The following CCDC3 variants were observed in gnomAD, a reference collection of about 807,000 sequenced individuals.
CCDC3 encodes coiled-coil domain containing 3.
CCDC3 carries 24 observed loss-of-function variants against 21.4 expected under a neutral mutation model. The observed-to-expected ratio is 1.12, with a 90% CI of 0.81 to 1.58. The LOEUF is 1.58. Ranked by LOEUF, CCDC3 falls within the 40% of genes most tolerant of loss-of-function variation. CCDC3 has a pLI of 0.00. For synonymous variants in CCDC3, 186 were observed against 166.0 expected, an observed-to-expected ratio of 1.12 and a Z score of -0.93; for missense variants, 425 against 360.9, an observed-to-expected ratio of 1.18 and a Z score of -1.44.
At chr10:13,077,639 C>T (rs144599314) in intron 3 of CCDC3, among the ~76,000 whole-genome samples, 123 of 10,798 alleles carry the variant, frequency 0.011, no homozygotes, top group Middle Eastern at 0.12. Context: ...CAAAACAGCA[C>T]AGTACTGGTA....
intron 2 of CCDC3, among the ~76,000 whole-genome samples, chr10:12,964,673 G>T (rs1835233518): frequency 6.6e-6 from 1 of 152,122 alleles, no homozygotes; most frequent in African/African-American, 2.4e-5. Context: ...GAAATTCATT[G>T]AGTCCAGTTT....
intron 2 of CCDC3, among the ~76,000 whole-genome samples, chr10:12,931,208 CAAAAAAAA>C (rs67541166): frequency 0.078 from 5,827 of 75,098 alleles, 268 homozygotes; most frequent in African/African-American, 0.18. Context: ...AAGACTCTGT[CAAAAAAAA>C]AAAAAAAAAA....
intron 5 of CCDC3, among the ~76,000 whole-genome samples, chr10:13,042,333 C>T (rs947362471): frequency 6.6e-6 from 1 of 152,180 alleles, no homozygotes. Context: ...CAACATTTCA[C>T]CTTCTACTTT....
At chr10:12,967,220 A>G (rs1768060481) in intron 2 of CCDC3, among the ~76,000 whole-genome samples, 1 of 152,238 alleles carries the variant, frequency 6.6e-6, no homozygotes, top group Admixed American at 6.5e-5. Context: ...ATGAACCCAG[A>G]ACAGCTCCAA....
intron 2 of CCDC3, among the ~76,000 whole-genome samples, chr10:12,917,787 G>T (rs1460506380): frequency 6.6e-6 from 1 of 152,078 alleles, no homozygotes; most frequent in Non-Finnish European, 1.5e-5. Flanking sequence ...TTACTTTACC[G>T]TAGTCCTTTT....
Position 12,982,121 on chromosome 10 carries a change from C to CAAAAAA in CCDC3, c.549+16211_549+16216dup, listed in dbSNP as rs71386135. ...TGGGAGACAGAGAGAGACTCTGTCT[C>CAAAAAA]AAAAAAAAAAAAAAAAAAAAAAAAA... On this transcript the variant is annotated intron_variant, in intron 2 of 2. Coordinates refer to ENST00000378825, the MANE Select transcript of CCDC3 (RefSeq NM_031455.4). Among the ~76,000 whole-genome samples, 16 of 33,252 alleles carry CAAAAAA rather than the reference C, an allele frequency of 4.8e-4. 3 individuals carry two copies. The highest frequency in any genetic ancestry group is 1.9e-3 in the African/African-American group (14 of 7,418). 21.8% of individuals were successfully genotyped at this position (33,252 alleles called of 152,430 possible).
At chr10:13,094,535 G>A (rs1832610351) in intron 3 of CCDC3, among the ~76,000 whole-genome samples, 1 of 152,072 alleles carries the variant, frequency 6.6e-6, no homozygotes, top group Non-Finnish European at 1.5e-5. Flanking sequence ...GATTACAGGT[G>A]TAAGCCACTG....
At chr10:13,021,166 A>G (rs1365360544) in intron 5 of CCDC3, among the ~76,000 whole-genome samples, 2 of 152,262 alleles carry the variant, frequency 1.3e-5, no homozygotes, top group Non-Finnish European at 2.9e-5. Flanking sequence ...CGGCATTTGC[A>G]AAAATGCAGT....
Position 12,898,520 on chromosome 10 carries a change from G to A in CCDC3, c.709C>T (p.His237Tyr), listed in dbSNP as rs920945026. The change falls in exon 3 of 3, where the codon CAC (histidine) becomes TAC (tyrosine). Residue 237 changes from histidine to tyrosine, a missense_variant. His to Tyr is a moderately conservative substitution (Grantham distance 83). Coordinates refer to ENST00000378825, the MANE Select transcript of CCDC3 (RefSeq NM_031455.4). The stretch of plus-strand genomic sequence containing the variant: ...AGTTTCTGGTTCGCCAGCTCCAGGT[G>A]GCGGCCCTTCTTACGCGCCTGCCGC... The part of the protein sequence containing the change: ...SLRQARKKGR[H>Y]LELANQKLSE... 11 of 1,614,100 alleles carry A rather than the reference G, an allele frequency of 6.8e-6. No homozygotes were observed. Among genetic ancestry groups the A allele is most frequent in the African/African-American group, 1.3e-5 (1 of 74,948 alleles).
chr10:13,023,129 AAAAGG>A (rs1251310242), intron 5 of CCDC3, among the ~76,000 whole-genome samples: 1 of 152,132 alleles, frequency 6.6e-6, no homozygotes, highest in Non-Finnish European at 1.5e-5. Flanking sequence ...ATTGTACAGC[AAAAGG>A]AAAGTGTAAA....
intron 5 of CCDC3, among the ~76,000 whole-genome samples, chr10:13,044,527 T>C (rs1027133842): frequency 6.6e-6 from 1 of 152,220 alleles, no homozygotes; most frequent in Admixed American, 6.5e-5. Flanking sequence ...TTTTTCTACA[T>C]GAAGGGTAAG....
At chr10:13,059,149 T>C (rs576794460) in intron 4 of CCDC3, among the ~76,000 whole-genome samples, 1 of 152,316 alleles carries the variant, frequency 6.6e-6, no homozygotes, top group South Asian at 2.1e-4. Flanking sequence ...GTAAGGGTGA[T>C]GCTAAAATTT....
At chr10:13,001,100 G>A in intron 1 of CCDC3, 97 bp downstream of exon 1, 2 of 1,438,164 alleles carry the variant, frequency 1.4e-6, no homozygotes, top group Non-Finnish European at 1.9e-6. Context: ...GACACCGACA[G>A]GCTGCCCGGG....
rs547733459 is a variant in CCDC3 at position 13,025,469 on chromosome 10, G to C, written c.-2+24205C>G. Among the ~76,000 whole-genome samples the C allele has an allele frequency of 9.2e-5, 14 of 152,328 alleles. No individual in the cohort carries two copies. The East Asian group carries it at 1.7e-3, about 19-fold the overall frequency. On this transcript the variant is annotated intron_variant, in intron 5 of 6. Coordinates refer to the CCDC3 transcript ENST00000378839. ...AGCACTAAGGAGTAGTTTAGTGAGA[G>C]CCACCAAATTCTATCACAGCCTTCA...
chr10:13,015,211 T>C lies in CCDC3; in HGVS notation c.-1-16699A>G, dbSNP rs941160229. Among the ~76,000 whole-genome samples, 16 of 152,116 alleles carry C rather than the reference T, an allele frequency of 1.1e-4. 1 individual carries two copies. Among genetic ancestry groups the C allele is most frequent in the African/African-American group, 3.9e-4 (16 of 41,444 alleles). ...ATATGATTTATGTATTTGCCTGATG[T>C]AGTTACAGTAAAAGATTTTAAAAGG... On this transcript the variant is annotated intron_variant, in intron 5 of 6. Coordinates refer to the CCDC3 transcript ENST00000378839.
intron 4 of CCDC3, among the ~76,000 whole-genome samples, chr10:13,066,950 T>C (rs989842178): frequency 2.0e-5 from 3 of 152,220 alleles, no homozygotes; most frequent in Admixed American, 6.5e-5. Context: ...CCTGGTCTTC[T>C]GACAAGCTAG....
chr10:12,991,092 C>G (rs1263226135), intron 2 of CCDC3, among the ~76,000 whole-genome samples: 1 of 152,170 alleles, frequency 6.6e-6, no homozygotes, highest in Admixed American at 6.5e-5. Flanking sequence ...TCTCAGCACA[C>G]TTGCGGGGAT....
At chr10:12,962,656 A>G (rs1335397157) in intron 2 of CCDC3, among the ~76,000 whole-genome samples, 2 of 152,240 alleles carry the variant, frequency 1.3e-5, no homozygotes, top group African/African-American at 4.8e-5. Context: ...AACGGCTTAC[A>G]ACTGTCACTG....
At chr10:12,942,560 A>G (rs1310606219) in intron 2 of CCDC3, among the ~76,000 whole-genome samples, 8 of 152,206 alleles carry the variant, frequency 5.3e-5, no homozygotes, top group Non-Finnish European at 1.2e-4. Context: ...TGGACGCCCT[A>G]TCTTCCCTTT....
Sources: gnomAD v4.1 joint callset for allele counts (sites outside exome capture counted in the v4.1 genomes callset) on GRCh38, gnomAD v4.1.1 for gene constraint, MANE v1.5 for transcripts, NCBI Gene and HGNC (gene_info 2026-07-23, HGNC 2026-07-21) for gene names.